The following SPAG16 variants were observed in gnomAD, a reference collection of about 807,000 sequenced individuals.
The protein encoded by SPAG16 is sperm-associated antigen 16 protein.
A neutral mutation model predicts 80.4 loss-of-function variants in SPAG16; 86 were observed. The observed-to-expected ratio is 1.07, with a 90% confidence interval of 0.90 to 1.28. The LOEUF (loss-of-function observed/expected upper bound fraction) is 1.28, where lower values mean the gene tolerates loss of function less well. SPAG16 is among the 50% of genes most tolerant of loss of function. SPAG16 has a pLI of 0.00. For missense variants in SPAG16, 870 were observed against 765.3 expected, an observed-to-expected ratio of 1.14 and a Z score of -1.61; for synonymous variants, 294 against 265.9, an observed-to-expected ratio of 1.11 and a Z score of -1.03.
chr2:214,377,748 T>C (rs1700215184), intron 15 of SPAG16, among the ~76,000 whole-genome samples: 1 of 152,166 alleles, frequency 6.6e-6, no homozygotes, highest in Non-Finnish European at 1.5e-5. Context: ...ATACTTGATA[T>C]TAGCAGTGCT....
intron 10 of SPAG16, among the ~76,000 whole-genome samples, chr2:213,578,382 G>A (rs1441572724): frequency 6.6e-6 from 1 of 152,096 alleles, no homozygotes; most frequent in Non-Finnish European, 1.5e-5. Flanking sequence ...AAAAAGCTAA[G>A]ATGCTAAGGT....
At chr2:213,439,096 C>T (rs1604690) in intron 9 of SPAG16, among the ~76,000 whole-genome samples, 6,218 of 152,262 alleles carry the variant, frequency 0.041, 419 homozygotes, top group African/African-American at 0.14. Flanking sequence ...TTGATTTCAG[C>T]CTGGGGAGAT....
chr2:213,419,445 G>T (rs1189384652), intron 9 of SPAG16, among the ~76,000 whole-genome samples: 1 of 151,942 alleles, frequency 6.6e-6, no homozygotes, highest in Admixed American at 6.6e-5. Context: ...ACTAACTGTG[G>T]TCAAATGAAT....
chr2:213,353,055 T>TAAAAAAGTTACTTGTCTTAAG (rs2065422584), intron 7 of SPAG16, among the ~76,000 whole-genome samples: 1 of 152,216 alleles, frequency 6.6e-6, no homozygotes, highest in Admixed American at 6.5e-5. Flanking sequence ...TACTTGTCTA[T>TAAAAAAGTTACTTGTCTTAAG]CCGTATAGCT....
At chr2:213,976,421 C>A (rs10203765) in intron 12 of SPAG16, among the ~76,000 whole-genome samples, 6 of 151,506 alleles carry the variant, frequency 4.0e-5, no homozygotes. Context: ...ACTAACAGGT[C>A]TCCTCTCACA....
At chr2:213,733,202 C>T (rs1036012723) in intron 10 of SPAG16, among the ~76,000 whole-genome samples, 4 of 135,574 alleles carry the variant, frequency 3.0e-5, no homozygotes, top group African/African-American at 1.1e-4. Context: ...TGTCCTTCAC[C>T]TACTTTGTAA....
In SPAG16 at chr2:213,833,469, ATATAATAAT is replaced by A. The variant is rs1460671278; in HGVS notation, c.1071-29015_1071-29007del. The stretch of plus-strand genomic sequence containing the variant: ...TATATATATATTATATATATATTAT[ATATAATAAT>A]ATATATATTATATATAATATATATA... On this transcript the variant is annotated intron_variant, in intron 10 of 15. Transcript: ENST00000331683. Among the ~76,000 whole-genome samples the A allele has an allele frequency of 9.5e-5, 2 of 21,024 alleles. 1 individual carries two copies. Among genetic ancestry groups the A allele is most frequent in the Non-Finnish European group, 1.8e-4 (2 of 11,024 alleles). The allele number at this position is 21,024 out of a possible 152,430, so 13.8% of individuals were successfully genotyped here. A position where few individuals can be genotyped will look rare whatever the true frequency, so the allele number is the denominator to read the frequency against.
chr2:213,560,976 G>T (rs983316278), intron 10 of SPAG16, among the ~76,000 whole-genome samples: 1 of 152,184 alleles, frequency 6.6e-6, no homozygotes, highest in Admixed American at 6.5e-5. Flanking sequence ...AGAATCTCCT[G>T]TCTCAGCCTC....
intron 15 of SPAG16, among the ~76,000 whole-genome samples, chr2:214,310,487 T>G (rs1016513396): frequency 7.3e-6 from 1 of 136,698 alleles, no homozygotes. Context: ...TTTGTTTTGG[T>G]TTTTGTTTTG....
At chr2:214,352,065 G>A (rs1406016885) in intron 15 of SPAG16, among the ~76,000 whole-genome samples, 5 of 83,718 alleles carry the variant, frequency 6.0e-5, no homozygotes, top group African/African-American at 1.3e-4. Flanking sequence ...ATGGCAGAAG[G>A]GGCAAACAAG....
At chr2:213,356,366 C>A (rs77829080) in intron 7 of SPAG16, among the ~76,000 whole-genome samples, 14 of 152,318 alleles carry the variant, frequency 9.2e-5, no homozygotes, top group African/African-American at 3.4e-4. Flanking sequence ...GGCTGTGAAT[C>A]TGTCTGATCT....
At chr2:214,326,683 C>T (rs1407273802) in intron 15 of SPAG16, among the ~76,000 whole-genome samples, 2 of 152,072 alleles carry the variant, frequency 1.3e-5, no homozygotes, top group Non-Finnish European at 2.9e-5. Flanking sequence ...CGGTGGCTCA[C>T]GCCTGTAATC....
intron 13 of SPAG16, among the ~76,000 whole-genome samples, chr2:214,015,055 G>A (rs1459541953): frequency 6.6e-6 from 1 of 152,172 alleles, no homozygotes; most frequent in Non-Finnish European, 1.5e-5. Flanking sequence ...GGTGAATCAT[G>A]CACATGCACA....
chr2:213,284,876 C>T (rs890334756), intron 1 of SPAG16: 1 of 445,820 alleles, frequency 2.2e-6, no homozygotes, highest in Admixed American at 4.2e-5. Context: ...TACTTAGTAA[C>T]CACTCAGTAC....
At chr2:214,105,165 A>G (rs1041018908) in intron 13 of SPAG16, among the ~76,000 whole-genome samples, 17 of 152,140 alleles carry the variant, frequency 1.1e-4, no homozygotes, top group African/African-American at 3.9e-4. Context: ...AGGGCGGGGC[A>G]GAGCCATGCG....
At chr2:213,974,203 G>T (rs1216621405) in intron 12 of SPAG16, among the ~76,000 whole-genome samples, 1 of 151,996 alleles carries the variant, frequency 6.6e-6, no homozygotes, top group East Asian at 1.9e-4. Flanking sequence ...TTATTTAAAA[G>T]ACAATGAAAA....
intron 15 of SPAG16, among the ~76,000 whole-genome samples, chr2:214,175,876 G>A (rs554193147): frequency 6.6e-6 from 1 of 151,462 alleles, no homozygotes; most frequent in East Asian, 1.9e-4. Flanking sequence ...TATGTATAAA[G>A]GTGCAGATGA....
chr2:214,345,745 C>T (rs1274430929), intron 15 of SPAG16, among the ~76,000 whole-genome samples: 2 of 152,094 alleles, frequency 1.3e-5, no homozygotes, highest in South Asian at 2.1e-4. Flanking sequence ...TGACTGATAA[C>T]ACCATACGTT....
At chr2:213,901,110 A>G (rs2077203166) in intron 11 of SPAG16, among the ~76,000 whole-genome samples, 1 of 152,212 alleles carries the variant, frequency 6.6e-6, no homozygotes. Context: ...ATGTAAAATA[A>G]GATAAAGCTA....
Sources: allele counts gnomAD v4.1 joint callset (sites outside exome capture counted in the v4.1 genomes callset), GRCh38; gene constraint gnomAD v4.1.1; transcripts MANE v1.5; gene names NCBI Gene and HGNC (gene_info 2026-07-23, HGNC 2026-07-21).